Variants in ANKRD33B observed in about 807,000 individuals in gnomAD.
ANKRD33B encodes the protein ankyrin repeat domain 33B.
In ANKRD33B, 6 loss-of-function variants were observed where a neutral mutation model predicts 21.5. The observed-to-expected ratio is 0.28, with a 90% CI of 0.15 to 0.55. ANKRD33B has a LOEUF of 0.55. ANKRD33B is among the 20% of genes least tolerant of loss of function. The pLI, the probability that ANKRD33B is intolerant of heterozygous loss-of-function variation, is 0.94. For missense variants in ANKRD33B, 698 were observed against 747.2 expected (o/e 0.93, Z 0.77); for synonymous variants, 347 against 342.4 (o/e 1.01, Z -0.15).
chr5:10,593,835 T>C (rs1031501196), intron 1 of ANKRD33B, among the ~76,000 whole-genome samples: 4 of 142,498 alleles, frequency 2.8e-5, no homozygotes, highest in African/African-American at 1.1e-4. Context: ...TCATGAACCC[T>C]CTGCCATTTA....
chr5:10,628,986 G>A (rs979331015), intron 2 of ANKRD33B, among the ~76,000 whole-genome samples: 1 of 152,244 alleles, frequency 6.6e-6, no homozygotes, highest in South Asian at 2.1e-4. Flanking sequence ...TGAATTACAC[G>A]GAATGCTGGC....
intron 2 of ANKRD33B, among the ~76,000 whole-genome samples, chr5:10,636,634 A>T (rs966716352): frequency 4.6e-5 from 7 of 152,110 alleles, no homozygotes; most frequent in Non-Finnish European, 8.8e-5. Context: ...AACAAAAAGG[A>T]TGGGAACTGG....
At chr5:10,607,684 C>T (rs1441381264) in intron 1 of ANKRD33B, among the ~76,000 whole-genome samples, 1 of 152,272 alleles carries the variant, frequency 6.6e-6, no homozygotes, top group East Asian at 1.9e-4. Flanking sequence ...TCCTCCTGTG[C>T]ATGCTACTGT....
At chr5:10,569,955 C>T (rs1428101418) in intron 1 of ANKRD33B, among the ~76,000 whole-genome samples, 1 of 152,214 alleles carries the variant, frequency 6.6e-6, no homozygotes, top group African/African-American at 2.4e-5. Context: ...CAGCTCACTG[C>T]AACCTCCGTC....
At chr5:10,618,493 A>G (rs1736339876) in intron 2 of ANKRD33B, 31 bp downstream of exon 2, 1 of 1,496,264 alleles carries the variant, frequency 6.7e-7, no homozygotes, top group Non-Finnish European at 8.9e-7. Context: ...TTCCTCTCAG[A>G]GCCGTGGCCA....
chr5:10,572,745 A>G (rs1173761882), intron 1 of ANKRD33B, among the ~76,000 whole-genome samples: 2 of 152,084 alleles, frequency 1.3e-5, no homozygotes, highest in African/African-American at 4.8e-5. Context: ...AACACCCTTC[A>G]CTGGGCACCT....
intron 1 of ANKRD33B, among the ~76,000 whole-genome samples, chr5:10,606,712 G>A (rs1196927124): frequency 6.6e-6 from 1 of 151,228 alleles, no homozygotes; most frequent in Non-Finnish European, 1.5e-5. Flanking sequence ...CCAGCCTGGC[G>A]ACAGAGCAAG....
intron 1 of ANKRD33B, among the ~76,000 whole-genome samples, chr5:10,588,064 G>A (rs916120998): frequency 2.0e-5 from 3 of 152,120 alleles, no homozygotes; most frequent in Non-Finnish European, 2.9e-5. Context: ...GACACTGAAT[G>A]TTAATTATCA....
intron 2 of ANKRD33B, among the ~76,000 whole-genome samples, chr5:10,626,104 A>G (rs1736539605): frequency 6.6e-6 from 1 of 152,228 alleles, no homozygotes; most frequent in Admixed American, 6.5e-5. Flanking sequence ...CTAGAACCGC[A>G]GCCAGGGGCC....
intron 2 of ANKRD33B, among the ~76,000 whole-genome samples, chr5:10,629,562 G>C (rs1736659184): frequency 6.6e-6 from 1 of 152,176 alleles, no homozygotes; most frequent in African/African-American, 2.4e-5. Flanking sequence ...GGATACCCAT[G>C]ATGAAATACT....
chr5:10,589,951 C>CTT (rs56400636), intron 1 of ANKRD33B, among the ~76,000 whole-genome samples: 1 of 145,272 alleles, frequency 6.9e-6, no homozygotes. Flanking sequence ...TCTTTTAAAT[C>CTT]TTTTTTTTTT....
chr5:10,620,354 G>C (rs1014375910), intron 2 of ANKRD33B, among the ~76,000 whole-genome samples: 2 of 152,138 alleles, frequency 1.3e-5, no homozygotes, highest in African/African-American at 4.8e-5. Context: ...CATTGGTTTT[G>C]AGCTGGCTAT....
At chr5:10,603,269 T>A (rs13353924) in intron 1 of ANKRD33B, among the ~76,000 whole-genome samples, 46,459 of 149,410 alleles carry the variant, frequency 0.31, 7,480 homozygotes, top group Admixed American at 0.47. Context: ...TTAAAAAAAA[T>A]TTTTTTTTTT....
rs569116842 is a variant in ANKRD33B at position 10,576,172 on chromosome 5, G to C, written c.366+11339G>C. 6.6e-6 allele frequency among the ~76,000 whole-genome samples: 1 copy of C among 152,150 alleles called. No individual in the cohort carries two copies. Among genetic ancestry groups the C allele is most frequent in the Non-Finnish European group, 1.5e-5 (1 of 68,020 alleles). On this transcript the variant is annotated intron_variant, in intron 1 of 3. Transcript: ENST00000296657. The surrounding 1 kb of genome is among the most constrained non-coding windows in gnomAD (Gnocchi z 4.1). ...TTTCAAAATAAAAAGTTGAATGAGCGTGAAAAGCTGCACGCATGACCTTTT... is the reference window on the plus strand; with the variant it reads ...TTTCAAAATAAAAAGTTGAATGAGCCTGAAAAGCTGCACGCATGACCTTTT...
chr5:10,572,001 G>A lies in ANKRD33B; in HGVS notation c.366+7168G>A, dbSNP rs565580611. On this transcript the variant is annotated intron_variant, in intron 1 of 3. Transcript: ENST00000296657. ...CCTCCCAGGTTCAAGCAATTCTCCT[G>A]CTTCAGCCTCCCAAGTAGCCGGGAT... 7.3e-5 allele frequency among the ~76,000 whole-genome samples: 11 copies of A among 151,480 alleles called. 1 individual carries two copies. In the South Asian group the frequency reaches 2.1e-3, roughly 29 times the overall value.
intron 1 of ANKRD33B, among the ~76,000 whole-genome samples, chr5:10,603,165 G>A (rs564739669): frequency 6.6e-6 from 1 of 152,140 alleles, no homozygotes; most frequent in East Asian, 1.9e-4. Flanking sequence ...ATGGGAGGCA[G>A]CTTTCTGTCT....
At chr5:10,631,910 C>T (rs1259559676) in intron 2 of ANKRD33B, among the ~76,000 whole-genome samples, 1 of 152,220 alleles carries the variant, frequency 6.6e-6, no homozygotes, top group Non-Finnish European at 1.5e-5. Flanking sequence ...TCGGTTGTTT[C>T]ATCCAAATTG....
At chr5:10,629,669 G>A (rs1337891245) in intron 2 of ANKRD33B, among the ~76,000 whole-genome samples, 2 of 152,202 alleles carry the variant, frequency 1.3e-5, no homozygotes, top group African/African-American at 4.8e-5. Context: ...ATCCACAGGA[G>A]TGTATAGGAT....
rs372415576 is a variant in ANKRD33B, at chr5:10,630,809, G to T, written c.497-7219G>T. On this transcript the variant is annotated intron_variant, in intron 2 of 3. Coordinates refer to ENST00000296657, the MANE Select transcript of ANKRD33B (RefSeq NM_001164440.2). ...AATGGCTTGAACCCAGGAGGCTGAG[G>T]TTGCAGTGAGCCAAGGTCGCGCCAC... Among the ~76,000 whole-genome samples, 44 of 151,326 alleles carry T rather than the reference G, an allele frequency of 2.9e-4. 1 individual carries two copies. The highest frequency in any genetic ancestry group is 1.1e-3 in the African/African-American group (44 of 41,242).
Sources: gnomAD v4.1 joint callset for allele counts (sites outside exome capture counted in the v4.1 genomes callset) on GRCh38, gnomAD v4.1.1 for gene constraint, Gnocchi (gnomAD v3.1) non-coding constraint, MANE v1.5 for transcripts, NCBI Gene and HGNC (gene_info 2026-07-23, HGNC 2026-07-21) for gene names.